EXOC6B: variants seen among roughly 807,000 people sequenced by gnomAD.
The protein encoded by EXOC6B is SEC15 homolog B.
EXOC6B carries 54 observed loss-of-function variants against 113.5 expected under a neutral mutation model. The observed-to-expected ratio is 0.48, with a 90% confidence interval of 0.38 to 0.60. The LOEUF (loss-of-function observed/expected upper bound fraction) is 0.60. Ranked by LOEUF, EXOC6B falls within the 20% of genes least tolerant of loss-of-function variation. EXOC6B has a pLI of 0.00. For synonymous variants in EXOC6B, 357 were observed against 339.0 expected (o/e 1.05, Z -0.58); for missense variants, 797 against 977.5 (o/e 0.82, Z 2.46).
At chr2:72,186,432 T>C (rs1030659820) in intron 20 of EXOC6B, among the ~76,000 whole-genome samples, 4 of 152,180 alleles carry the variant, frequency 2.6e-5, no homozygotes, top group Admixed American at 1.3e-4. Flanking sequence ...GTTCTAAAGT[T>C]CTTTCAGTAC....
rs1333042818 is a variant in EXOC6B, at chr2:72,823,469, AAAAAAAAAAC to A, written c.113+2319_113+2328del. Among the ~76,000 whole-genome samples the A allele has an allele frequency of 9.0e-4, 125 of 138,260 alleles. 6 individuals are homozygous for A. In the East Asian group the frequency reaches 0.016, roughly 18 times the overall value. The allele number at this position is 138,260 out of a possible 152,430, so 90.7% of individuals were successfully genotyped here. On this transcript the variant is annotated intron_variant, in intron 1 of 21. Coordinates refer to ENST00000272427, the MANE Select transcript of EXOC6B (RefSeq NM_015189.3). ...AAATCAAAGTTTTAAGAAAAAAAAA[AAAAAAAAAAC>A]AAAAAACAAAAAAAAAGACAGTGGC...
At chr2:72,229,999 G>T (rs1396519738) in intron 20 of EXOC6B, among the ~76,000 whole-genome samples, 1 of 151,974 alleles carries the variant, frequency 6.6e-6, no homozygotes, top group Non-Finnish European at 1.5e-5. Flanking sequence ...ACCAAAGAAG[G>T]AACAGACAAA....
At chr2:72,182,396 T>C (rs1446378411) in intron 21 of EXOC6B, among the ~76,000 whole-genome samples, 1 of 152,144 alleles carries the variant, frequency 6.6e-6, no homozygotes. Flanking sequence ...CCATTAAATA[T>C]GACCATTTAA....
intron 18 of EXOC6B, among the ~76,000 whole-genome samples, chr2:72,447,084 C>G (rs1201363249): frequency 6.7e-6 from 1 of 149,568 alleles, no homozygotes; most frequent in Non-Finnish European, 1.5e-5. Flanking sequence ...AGTCTGGCGA[C>G]AGAGTGAGAC....
At chr2:72,577,176 T>A (rs1034379417) in intron 6 of EXOC6B, among the ~76,000 whole-genome samples, 19 of 152,086 alleles carry the variant, frequency 1.2e-4, no homozygotes, top group Non-Finnish European at 5.9e-5. Context: ...TAGATTTACA[T>A]AAATACATGG....
At chr2:72,182,445 T>C (rs1272313462) in intron 21 of EXOC6B, among the ~76,000 whole-genome samples, 1 of 152,106 alleles carries the variant, frequency 6.6e-6, no homozygotes, top group Non-Finnish European at 1.5e-5. Context: ...TTCTTTCAGC[T>C]TGGCACCAAG....
At chr2:72,667,699 C>G (rs1405917256) in intron 6 of EXOC6B, among the ~76,000 whole-genome samples, 1 of 152,136 alleles carries the variant, frequency 6.6e-6, no homozygotes, top group Admixed American at 6.5e-5. Flanking sequence ...GGACCCCTAC[C>G]TTTCATCAGA....
intron 6 of EXOC6B, among the ~76,000 whole-genome samples, chr2:72,587,298 G>A (rs1705652636): frequency 6.6e-6 from 1 of 152,146 alleles, no homozygotes; most frequent in African/African-American, 2.4e-5. Flanking sequence ...ACTATCCTAA[G>A]CAAACTAATG....
At chr2:72,204,646 A>G (rs1679718549) in intron 20 of EXOC6B, among the ~76,000 whole-genome samples, 2 of 152,000 alleles carry the variant, frequency 1.3e-5, no homozygotes. Flanking sequence ...ATTATCTCAG[A>G]CAAGATTCAC....
intron 6 of EXOC6B, among the ~76,000 whole-genome samples, chr2:72,646,321 A>AG (rs769822032): frequency 6.6e-6 from 1 of 151,732 alleles, no homozygotes; most frequent in African/African-American, 2.4e-5. Flanking sequence ...AACCAAAAAA[A>AG]GTCCAGGACC....
In EXOC6B at chr2:72,344,027, C is replaced by T. The variant is rs114527193; in HGVS notation, c.2123-9007G>A. Reference sequence around the variant, plus strand: ...TTATTTCTTGAAATATTCTCTCTATCCATTTCTCTCTCCTCCTCGGGGACT... The same window carrying T: ...TTATTTCTTGAAATATTCTCTCTATTCATTTCTCTCTCCTCCTCGGGGACT... On this transcript the variant is annotated intron_variant, in intron 19 of 21. Transcript: ENST00000272427. Among the ~76,000 whole-genome samples the T allele has an allele frequency of 6.9e-3, 1,048 of 152,258 alleles. 13 individuals carry two copies. The highest frequency in any genetic ancestry group is 0.024 in the African/African-American group (1,003 of 41,556).
chr2:72,406,892 T>C (rs971903710), intron 18 of EXOC6B, among the ~76,000 whole-genome samples: 10 of 152,094 alleles, frequency 6.6e-5, no homozygotes, highest in African/African-American at 2.2e-4. Flanking sequence ...AAAAAAACCC[T>C]TCAAAAAATC....
intron 18 of EXOC6B, among the ~76,000 whole-genome samples, chr2:72,434,249 G>T (rs1272386136): frequency 1.3e-5 from 2 of 152,164 alleles, no homozygotes; most frequent in East Asian, 3.9e-4. Context: ...TCCCAGGGAT[G>T]AACCCAACTT....
intron 18 of EXOC6B, among the ~76,000 whole-genome samples, chr2:72,406,400 A>C (rs1273071077): frequency 6.6e-6 from 1 of 152,150 alleles, no homozygotes; most frequent in Non-Finnish European, 1.5e-5. Flanking sequence ...CAGAATATAC[A>C]TTCTTTTCAG....
intron 21 of EXOC6B, chr2:72,182,933 A>AAC (rs751364715): frequency 1.6e-5 from 20 of 1,227,398 alleles, no homozygotes; most frequent in Non-Finnish European, 1.9e-5. Context: ...TGGGAGAGAG[A>AAC]ACCATGGGAA....
chr2:72,374,970 A>G (rs1558604905), intron 19 of EXOC6B, among the ~76,000 whole-genome samples: 1 of 151,958 alleles, frequency 6.6e-6, no homozygotes, highest in Non-Finnish European at 1.5e-5. Context: ...AGAAAGATAG[A>G]AAAGAATATA....
At chr2:72,756,167 T>C (rs557310689) in intron 1 of EXOC6B, among the ~76,000 whole-genome samples, 2 of 152,306 alleles carry the variant, frequency 1.3e-5, no homozygotes, top group African/African-American at 4.8e-5. Context: ...AAGAACTCTG[T>C]ATCATAATGA....
At chr2:72,291,383 G>C (rs1428113720) in intron 20 of EXOC6B, among the ~76,000 whole-genome samples, 2 of 152,056 alleles carry the variant, frequency 1.3e-5, no homozygotes, top group African/African-American at 4.8e-5. Flanking sequence ...CAAATATAAG[G>C]GATCTTTACA....
chr2:72,669,995 A>C lies in EXOC6B; in HGVS notation c.669+48108T>G, dbSNP rs1173020779. On this transcript the variant is annotated intron_variant, in intron 6 of 21. Coordinates refer to ENST00000272427, the MANE Select transcript of EXOC6B (RefSeq NM_015189.3). ...TGCACTGAACTTACAGAAATGTAAC[A>C]GCCATATAAATTAGGGGAAATTGTA... 5.3e-5 allele frequency among the ~76,000 whole-genome samples: 8 copies of C among 152,372 alleles called. 1 individual carries two copies. Among genetic ancestry groups the C allele is most frequent in the Middle Eastern group, 6.8e-3 (2 of 294 alleles).
Sources: gnomAD v4.1 joint callset for allele counts (sites outside exome capture counted in the v4.1 genomes callset) on GRCh38, gnomAD v4.1.1 for gene constraint, MANE v1.5 for transcripts, NCBI Gene and HGNC (gene_info 2026-07-23, HGNC 2026-07-21) for gene names.